Variants in CDCP2 observed in about 807,000 individuals in gnomAD.
CDCP2 encodes CUB domain containing protein 2.
CDCP2 carries 31 observed loss-of-function variants against 31.0 expected under a neutral mutation model. That is an observed-to-expected ratio of 1.00 (90% CI 0.75 to 1.35). The LOEUF (loss-of-function observed/expected upper bound fraction) is 1.35, where lower values mean the gene tolerates loss of function less well. Ranked by LOEUF, CDCP2 falls within the 40% of genes most tolerant of loss-of-function variation. The pLI is 0.00. For missense variants in CDCP2, 443 were observed against 482.6 expected (o/e 0.92, Z 0.77); for synonymous variants, 206 against 207.9 (o/e 0.99, Z 0.08).
chr1:54,138,212 G>A (rs1659294330), intron 4 of CDCP2: 1 of 152,400 alleles, frequency 6.6e-6, no homozygotes, highest in South Asian at 2.1e-4. Flanking sequence ...GACTATCAGA[G>A]GCAAAAGGAA....
At chr1:54,133,589 T>C (rs933885755) in intron 5 of CDCP2, among the ~76,000 whole-genome samples, 3 of 152,148 alleles carry the variant, frequency 2.0e-5, no homozygotes, top group Admixed American at 6.6e-5. Context: ...AATGTTCTCT[T>C]ATTGGTACCA....
chr1:54,137,663 ATGTGTGTGTG>A, intron 4 of CDCP2: 1 of 143,886 alleles, frequency 6.9e-6, no homozygotes, highest in African/African-American at 2.6e-5. Flanking sequence ...TTGGGTGAGC[ATGTGTGTGTG>A]TGTGTGTGTG....
intron 5 of CDCP2, 111 bp downstream of exon 5, chr1:54,136,519 A>G (rs1659260670): frequency 2.5e-6 from 1 of 398,274 alleles, no homozygotes; most frequent in Non-Finnish European, 4.4e-6. Flanking sequence ...CTCTGCATCC[A>G]GGCCTGTGTG....
intron 1 of CDCP2, among the ~76,000 whole-genome samples, 173 bp downstream of exon 1, chr1:54,152,671 G>C (rs1659603792): frequency 1.3e-5 from 2 of 152,194 alleles, no homozygotes; most frequent in African/African-American, 4.8e-5. Context: ...CACACGGCAG[G>C]CACTCAATAT....
intron 1 of CDCP2, among the ~76,000 whole-genome samples, chr1:54,149,393 A>T (rs573400719): frequency 1.6e-3 from 241 of 151,502 alleles, no homozygotes; most frequent in Non-Finnish European, 1.9e-3. Flanking sequence ...ACCTCCCAGA[A>T]TGGGGCTGGG....
At chr1:54,147,580 T>G (rs1659497137) in intron 1 of CDCP2, among the ~76,000 whole-genome samples, 2 of 151,794 alleles carry the variant, frequency 1.3e-5, no homozygotes, top group African/African-American at 4.9e-5. Flanking sequence ...CTGGCCAGGC[T>G]GGTCTCGAAC....
chr1:54,136,683 C>T (rs1367898042), exon 5 of CDCP2: 25 of 399,128 alleles, frequency 6.3e-5, no homozygotes, highest in East Asian at 1.8e-4. Context: ...AGGTTGCCGC[C>T]GACCTCCTGG....
At chr1:54,152,922 TCTC>T, upstream of CDCP2, 1 of 1,614,020 alleles carries the variant, frequency 6.2e-7, no homozygotes, top group African/African-American at 1.3e-5. Context: ...TCTGCCAGCA[TCTC>T]CTCACCAGGG....
chr1:54,151,964 CT>C (rs1659591132), intron 1 of CDCP2, among the ~76,000 whole-genome samples: 1 of 152,090 alleles, frequency 6.6e-6, no homozygotes, highest in South Asian at 2.1e-4. Flanking sequence ...GACAGCAGGG[CT>C]TAAGATCCCT....
chr1:54,132,958 T>C (rs1268267076), downstream of CDCP2: 2 of 398,874 alleles, frequency 5.0e-6, no homozygotes, highest in Non-Finnish European at 4.4e-6. Context: ...CAGGTCCCTA[T>C]GCTGTCTATT....
At chr1:54,150,874 C>G (rs182422632) in intron 1 of CDCP2, among the ~76,000 whole-genome samples, 1 of 152,222 alleles carries the variant, frequency 6.6e-6, no homozygotes, top group African/African-American at 2.4e-5. Context: ...AAGACACATT[C>G]GCTAAACATG....
Position 54,141,213 on chromosome 1 carries a change from G to A in CDCP2, c.648C>T (p.His216=), listed in dbSNP as rs3766464. ...TGGGGGGCCTGGTGCTGCCACAGTA[G>A]TGGTGCCCACGGGTGGGGCCAGGCC... The change falls in exon 3 of 6, where the codon CAC becomes CAT. Residue 216 remains histidine, a synonymous_variant. Coordinates refer to ENST00000530059, the Ensembl canonical transcript of CDCP2. 108 of 1,612,528 alleles carry A rather than the reference G, an allele frequency of 6.7e-5. No homozygotes were observed. The East Asian group carries it at 2.4e-3, about 36-fold the overall frequency.
chr1:54,137,445 C>T (rs900739325), intron 4 of CDCP2, among the ~76,000 whole-genome samples: 1 of 152,216 alleles, frequency 6.6e-6, no homozygotes, highest in Non-Finnish European at 1.5e-5. Flanking sequence ...AGGGAAGCCT[C>T]ACTTTCCCTC....
intron 1 of CDCP2, 101 bp downstream of exon 1, chr1:54,152,743 T>C: frequency 9.3e-7 from 1 of 1,080,384 alleles, no homozygotes; most frequent in South Asian, 1.5e-5. Flanking sequence ...TAAAAGGACC[T>C]CCTGCTTTCT....
chr1:54,147,460 T>TG (rs1659494848), intron 1 of CDCP2, among the ~76,000 whole-genome samples: 1 of 151,808 alleles, frequency 6.6e-6, no homozygotes, highest in African/African-American at 2.4e-5. Flanking sequence ...CTCCATCTCC[T>TG]GGGTTCCAGC....
rs1262533029 is a variant in CDCP2, at chr1:54,141,290, G to A, written c.571C>T (p.Gln191Ter). 6.2e-7 allele frequency: 1 copy of A among 1,614,234 alleles called. No homozygotes were observed. The highest frequency in any genetic ancestry group is 1.7e-5 in the Admixed American group (1 of 60,026). ...GTGCACTCTTCATTGCCCTCCACCT[G>A]GAAGTCCACGAACACCAGCTTGACG... is the stretch of plus-strand genomic sequence containing the variant. The change falls in exon 3 of 6, where the codon CAG (glutamine) becomes TAG (stop). Residue 191 changes from glutamine (Q) to a stop codon, truncating the protein, a stop_gained. Transcript: ENST00000530059. LOFTEE classifies it high-confidence loss of function.
exon 4 of CDCP2, chr1:54,139,934 C>G (rs1659333428): frequency 6.2e-7 from 1 of 1,614,220 alleles, no homozygotes; most frequent in Non-Finnish European, 8.5e-7. Context: ...AGTCACAGGT[C>G]TTGGTCAGGC....
chr1:54,133,189 T>C, exon 6 of CDCP2: 1 of 399,106 alleles, frequency 2.5e-6, no homozygotes, highest in Non-Finnish European at 4.4e-6. Flanking sequence ...GAAGCCTCCT[T>C]GCGCCGTGGC....
Position 54,139,967 on chromosome 1 carries a change from G to GGC in CDCP2, c.902_903insGC (p.Asp301GlufsTer11). On this transcript the variant is annotated frameshift_variant, in exon 4 of 6. Coordinates refer to ENST00000530059, the Ensembl canonical transcript of CDCP2. LOFTEE classifies it high-confidence loss of function. Reference sequence around the variant, plus strand: ...GGCTGTTGGGCTCCTCCAGGTCCAGGTCCAGGAAGAACACCTTGACCTGGT... The same window carrying GGC: ...GGCTGTTGGGCTCCTCCAGGTCCAGGGCTCCAGGAAGAACACCTTGACCTGGT... 1 of 1,614,206 alleles carries GGC rather than the reference G, an allele frequency of 6.2e-7. No homozygotes were observed. The highest frequency in any genetic ancestry group is 1.3e-5 in the African/African-American group (1 of 75,048).
Sources: allele counts gnomAD v4.1 joint callset (sites outside exome capture counted in the v4.1 genomes callset), GRCh38; gene constraint gnomAD v4.1.1; transcripts MANE v1.5; gene names NCBI Gene and HGNC (gene_info 2026-07-23, HGNC 2026-07-21).